Variants in RFTN1 observed in about 807,000 individuals in gnomAD.
RFTN1 encodes the protein raftlin.
A neutral mutation model predicts 46.5 loss-of-function variants in RFTN1; 26 were observed. That is an observed-to-expected ratio of 0.56 (90% CI 0.41 to 0.78). The LOEUF is 0.78. RFTN1 is among the 30% of genes least tolerant of loss of function. RFTN1 has a pLI of 0.00. For missense variants in RFTN1, 693 were observed against 718.7 expected (o/e 0.96, Z 0.41); for synonymous variants, 261 against 284.2 (o/e 0.92, Z 0.82).
rs1356843384 is a variant in RFTN1 at position 16,433,384 on chromosome 3, T to C, written c.332+467A>G. Among the ~76,000 whole-genome samples, 1 of 152,226 alleles carries C rather than the reference T, an allele frequency of 6.6e-6. No individual in the cohort carries two copies. Among genetic ancestry groups the C allele is most frequent in the Non-Finnish European group, 1.5e-5 (1 of 68,046 alleles). On this transcript the variant is annotated intron_variant, in intron 3 of 9. Coordinates refer to ENST00000334133, the MANE Select transcript of RFTN1 (RefSeq NM_015150.2). This position sits in a 1 kb window ranked among gnomAD's most constrained non-coding sequence, Gnocchi z 4.4. ...TGTTTATTTTTTGTATTTTTTTAACTGTCAAGTGATTGACAGAATTTATGG... is the reference window on the plus strand; with the variant it reads ...TGTTTATTTTTTGTATTTTTTTAACCGTCAAGTGATTGACAGAATTTATGG...
intron 1 of RFTN1, among the ~76,000 whole-genome samples, chr3:16,496,571 CT>C (rs1052636082): frequency 6.6e-6 from 1 of 152,174 alleles, no homozygotes; most frequent in African/African-American, 2.4e-5. Context: ...ATTTTAAAAA[CT>C]GATAATACCA....
intron 2 of RFTN1, chr3:16,482,821 G>C (rs924165976): frequency 1.6e-5 from 25 of 1,535,968 alleles, no homozygotes; most frequent in Non-Finnish European, 1.8e-5. Flanking sequence ...GGAGGGCGCA[G>C]GGGCAGAACA....
At chr3:16,373,880 C>T (rs978503272) in intron 5 of RFTN1, among the ~76,000 whole-genome samples, 1 of 152,058 alleles carries the variant, frequency 6.6e-6, no homozygotes, top group African/African-American at 2.4e-5. Context: ...CGAGGCAGGG[C>T]AGGAGGGTAG....
At chr3:16,375,286 G>A (rs908936084) in intron 5 of RFTN1, among the ~76,000 whole-genome samples, 11 of 152,224 alleles carry the variant, frequency 7.2e-5, no homozygotes, top group Middle Eastern at 3.4e-3. Flanking sequence ...CTGGGGGTCA[G>A]GTGAGGGTCA....
rs973831036 is a variant in RFTN1, at chr3:16,447,035, T to G, written c.146-12998A>C. ...CACTCTGGGGGCTTGGCACAACTTC[T>G]ATCCACAAAAGAAGACCACTCATTT... On this transcript the variant is annotated intron_variant, in intron 2 of 9. Transcript: ENST00000334133. This position sits in a 1 kb window ranked among gnomAD's most constrained non-coding sequence, Gnocchi z 5.9. 2.6e-5 allele frequency among the ~76,000 whole-genome samples: 4 copies of G among 152,184 alleles called. No individual in the cohort carries two copies. Among genetic ancestry groups the G allele is most frequent in the Non-Finnish European group, 5.9e-5 (4 of 68,032 alleles).
In RFTN1 at chr3:16,509,029, C is replaced by T. The variant is rs1238641633; in HGVS notation, c.-9+4413G>A. Among the ~76,000 whole-genome samples the T allele has an allele frequency of 1.3e-5, 2 of 152,200 alleles. No homozygotes were observed. Among genetic ancestry groups the T allele is most frequent in the Non-Finnish European group, 2.9e-5 (2 of 68,044 alleles). On this transcript the variant is annotated intron_variant, in intron 1 of 9. Transcript: ENST00000334133. This position sits in a 1 kb window ranked among gnomAD's most constrained non-coding sequence, Gnocchi z 4.9. ...CATTACATTTAAATGTAAATAGCCACATGTAACTAGTGGCTACTGTATTGA... is the reference window on the plus strand; with the variant it reads ...CATTACATTTAAATGTAAATAGCCATATGTAACTAGTGGCTACTGTATTGA...
chr3:16,397,877 C>A (rs889551511), intron 4 of RFTN1, among the ~76,000 whole-genome samples: 1 of 152,066 alleles, frequency 6.6e-6, no homozygotes, highest in Non-Finnish European at 1.5e-5. Context: ...GTTCTCAGGT[C>A]ATTTTGAAGA....
At chr3:16,492,482 C>T (rs1036196678) in intron 2 of RFTN1, among the ~76,000 whole-genome samples, 1 of 152,158 alleles carries the variant, frequency 6.6e-6, no homozygotes, top group Non-Finnish European at 1.5e-5. Context: ...GAGGACACTG[C>T]AGGACTGGGA....
chr3:16,382,781 C>T lies in RFTN1; in HGVS notation c.442-4679G>A, dbSNP rs2074036960. On this transcript the variant is annotated intron_variant, in intron 4 of 9. Coordinates refer to ENST00000334133, the MANE Select transcript of RFTN1 (RefSeq NM_015150.2). This position sits in a 1 kb window ranked among gnomAD's most constrained non-coding sequence, Gnocchi z 4.7. Reference sequence around the variant, plus strand: ...TTTCTGGAATTACTTCCTCCTTCTCCATAAAGTGACCATCCAAGCTCACTT... The same window carrying T: ...TTTCTGGAATTACTTCCTCCTTCTCTATAAAGTGACCATCCAAGCTCACTT... Among the ~76,000 whole-genome samples, 1 of 152,136 alleles carries T rather than the reference C, an allele frequency of 6.6e-6. No homozygotes were observed.
intron 7 of RFTN1, among the ~76,000 whole-genome samples, chr3:16,331,680 C>T (rs555284239): frequency 6.6e-6 from 1 of 152,344 alleles, no homozygotes; most frequent in East Asian, 1.9e-4. Flanking sequence ...GACATCATTT[C>T]TGAAACTTTG....
At chr3:16,470,570 T>C (rs2076177317) in intron 2 of RFTN1, among the ~76,000 whole-genome samples, 1 of 152,172 alleles carries the variant, frequency 6.6e-6, no homozygotes, top group Admixed American at 6.5e-5. Context: ...AGATTCTGTG[T>C]ATAAACTCTG....
Position 16,345,802 on chromosome 3 carries a change from G to T in RFTN1, c.1146+12130C>A, listed in dbSNP as rs1330900131. Among the ~76,000 whole-genome samples the T allele has an allele frequency of 1.2e-5, 1 of 84,672 alleles. No homozygotes were observed. Among genetic ancestry groups the T allele is most frequent in the Admixed American group, 1.1e-4 (1 of 9,294 alleles). 55.5% of individuals were successfully genotyped at this position (84,672 alleles called of 152,430 possible). A position where few individuals can be genotyped will look rare whatever the true frequency, so the allele number is the denominator to read the frequency against. ...ATAATAAATCTCTGTGTGTGTGTGT[G>T]TGTGTGTGTGTGTGTGCGCGCGCGC... On this transcript the variant is annotated intron_variant, in intron 7 of 9. Transcript: ENST00000334133. The surrounding 1 kb of genome is among the most constrained non-coding windows in gnomAD (Gnocchi z 5.2).
rs547435722 is a variant in RFTN1, at chr3:16,361,200, A to T, written c.1031-3153T>A. On this transcript the variant is annotated intron_variant, in intron 6 of 9. Coordinates refer to ENST00000334133, the MANE Select transcript of RFTN1 (RefSeq NM_015150.2). The surrounding 1 kb of genome is among the most constrained non-coding windows in gnomAD (Gnocchi z 4.3). The stretch of plus-strand genomic sequence containing the variant: ...TAAATAGAAAAACTTCCCTTAGAGG[A>T]GTCTAAAAATGGCATATAGGGCCTC... 6.6e-6 allele frequency among the ~76,000 whole-genome samples: 1 copy of T among 152,300 alleles called. No individual in the cohort carries two copies. Among genetic ancestry groups the T allele is most frequent in the Non-Finnish European group, 1.5e-5 (1 of 68,024 alleles).
intron 1 of RFTN1, among the ~76,000 whole-genome samples, chr3:16,502,298 C>A (rs899258200): frequency 2.0e-5 from 3 of 151,260 alleles, no homozygotes; most frequent in Admixed American, 2.0e-4. Context: ...GATGTTGAGG[C>A]TGCAGTGAGC....
intron 3 of RFTN1, among the ~76,000 whole-genome samples, chr3:16,411,956 T>C (rs564614685): frequency 6.6e-6 from 1 of 152,230 alleles, no homozygotes; most frequent in African/African-American, 2.4e-5. Context: ...ACAGCCCAGA[T>C]CGATTCTAGG....
At chr3:16,378,189 G>C in intron 4 of RFTN1, 87 bp from the exon 5 acceptor site, 1 of 1,144,480 alleles carries the variant, frequency 8.7e-7, no homozygotes, top group Non-Finnish European at 1.3e-6. Context: ...CCTCCCCGAG[G>C]CCTGCGAGGC....
chr3:16,487,766 G>A (rs967337121), intron 2 of RFTN1, among the ~76,000 whole-genome samples: 3 of 152,226 alleles, frequency 2.0e-5, no homozygotes, highest in African/African-American at 7.2e-5. Context: ...TGGTGTTAGA[G>A]TGGCCTGGCA....
intron 8 of RFTN1, among the ~76,000 whole-genome samples, chr3:16,324,648 G>T (rs1452221349): frequency 2.7e-5 from 1 of 37,300 alleles, no homozygotes; most frequent in Non-Finnish European, 5.9e-5. Context: ...GTATTCCATT[G>T]TGTGTGTGTG....
In RFTN1 at chr3:16,400,126, G is replaced by A. The variant is rs1459920529; in HGVS notation, c.441+9249C>T. On this transcript the variant is annotated intron_variant, in intron 4 of 9. Coordinates refer to ENST00000334133, the MANE Select transcript of RFTN1 (RefSeq NM_015150.2). This position sits in a 1 kb window ranked among gnomAD's most constrained non-coding sequence, Gnocchi z 4.5. ...GCTTTGCACTACACTTAGGATAAAG[G>A]GCCCCATCCTCAGCCTGGCCTGCAG... Among the ~76,000 whole-genome samples the A allele has an allele frequency of 6.6e-6, 1 of 152,100 alleles. No individual in the cohort carries two copies. Among genetic ancestry groups the A allele is most frequent in the Non-Finnish European group, 1.5e-5 (1 of 68,012 alleles).
Sources: allele counts gnomAD v4.1 joint callset (sites outside exome capture counted in the v4.1 genomes callset), GRCh38; gene constraint gnomAD v4.1.1; non-coding constraint Gnocchi (gnomAD v3.1); transcripts MANE v1.5; gene names NCBI Gene and HGNC (gene_info 2026-07-23, HGNC 2026-07-21).